AOAH: variants seen among roughly 807,000 people sequenced by gnomAD.
AOAH encodes the protein acyloxyacyl hydrolase (neutrophil).
A neutral mutation model predicts 92.2 loss-of-function variants in AOAH; 64 were observed. The observed-to-expected ratio is 0.69, with a 90% CI of 0.57 to 0.86. The LOEUF is 0.86. Ranked by LOEUF, AOAH falls within the 40% of genes least tolerant of loss-of-function variation. The pLI, the probability that AOAH is intolerant of heterozygous loss-of-function variation, is 0.00. For synonymous variants in AOAH, 263 were observed against 254.5 expected (o/e 1.03, Z -0.32); for missense variants, 656 against 694.6 (o/e 0.94, Z 0.62).
rs572137146 is a variant in AOAH, at chr7:36,576,140, T to C, written c.1021+434A>G. On this transcript the variant is annotated intron_variant, in intron 13 of 20. Transcript: ENST00000617537. The stretch of plus-strand genomic sequence containing the variant: ...CCGCCTCCAGGTCCAAGGTGGAAGA[T>C]TGAAACCCACACAGGTGAAACTGAA... Among the ~76,000 whole-genome samples the C allele has an allele frequency of 2.2e-3, 339 of 152,288 alleles. 1 individual carries two copies. The highest frequency in any genetic ancestry group is 7.5e-3 in the African/African-American group (312 of 41,552).
At chr7:36,533,273 C>G (rs1044667448) in intron 16 of AOAH, among the ~76,000 whole-genome samples, 1 of 152,134 alleles carries the variant, frequency 6.6e-6, no homozygotes, top group Non-Finnish European at 1.5e-5. Flanking sequence ...TCCATTAACA[C>G]TCCTCACACT....
rs188193359 is a variant in AOAH, at chr7:36,699,829, T to C, written c.128-13035A>G. 2.5e-3 allele frequency among the ~76,000 whole-genome samples: 384 copies of C among 152,242 alleles called. 1 individual carries two copies. The highest frequency in any genetic ancestry group is 8.9e-3 in the African/African-American group (368 of 41,578). ...TCTCATTTGTCTAATTTTCTTTTTGTTGCCTGTGCTTTTGAAGTCTTACAC... is the reference window on the plus strand; with the variant it reads ...TCTCATTTGTCTAATTTTCTTTTTGCTGCCTGTGCTTTTGAAGTCTTACAC... On this transcript the variant is annotated intron_variant, in intron 1 of 20. Transcript: ENST00000617537.
intron 13 of AOAH, among the ~76,000 whole-genome samples, chr7:36,574,183 G>T (rs749524851): frequency 5.1e-4 from 77 of 152,090 alleles, no homozygotes; most frequent in Admixed American, 2.0e-3. Context: ...AAATAGTCGA[G>T]GATAGTAATA....
chr7:36,680,828 C>T (rs1307522207), intron 2 of AOAH, among the ~76,000 whole-genome samples: 1 of 152,116 alleles, frequency 6.6e-6, no homozygotes. Context: ...CACTGAAAAC[C>T]AAAATATTTA....
chr7:36,599,926 T>G (rs1790428729), intron 11 of AOAH: 1 of 152,656 alleles, frequency 6.6e-6, no homozygotes, highest in Admixed American at 6.5e-5. Context: ...GTGCCTTTCT[T>G]GTGGGAGCAC....
At chr7:36,693,091 T>G (rs112326534) in intron 1 of AOAH, among the ~76,000 whole-genome samples, 1 of 152,188 alleles carries the variant, frequency 6.6e-6, no homozygotes, top group Non-Finnish European at 1.5e-5. Context: ...AGGGGCTAGA[T>G]TGTGAAGCAC....
chr7:36,723,905 C>T (rs1799808146), intron 1 of AOAH, 117 bp downstream of exon 1: 6 of 1,222,354 alleles, frequency 4.9e-6, no homozygotes, highest in Non-Finnish European at 6.6e-6. Flanking sequence ...TTACTGGTGC[C>T]TTACCTGGAA....
At chr7:36,709,785 T>C (rs927375933) in intron 1 of AOAH, among the ~76,000 whole-genome samples, 4 of 152,214 alleles carry the variant, frequency 2.6e-5, no homozygotes, top group African/African-American at 9.6e-5. Flanking sequence ...GGAGTGATTA[T>C]GTTTTCTTTC....
At chr7:36,565,415 T>C (rs1049809736) in intron 13 of AOAH, among the ~76,000 whole-genome samples, 3 of 152,248 alleles carry the variant, frequency 2.0e-5, no homozygotes, top group Non-Finnish European at 4.4e-5. Context: ...CAATACTCTT[T>C]TCTGCGGCTT....
At chr7:36,594,264 G>A in intron 12 of AOAH, 75 bp downstream of exon 12, 1 of 1,184,912 alleles carries the variant, frequency 8.4e-7, no homozygotes, top group East Asian at 2.3e-5. Context: ...TCAACATCTT[G>A]GTAGCAACCC....
chr7:36,512,965 A>C lies in AOAH; in HGVS notation c.*287T>G. On this transcript the variant is annotated 3_prime_UTR_variant, in exon 21 of 21. Transcript: ENST00000617537. ...AGTGTTTTTAGAAACTCCTTTTAGAACAATTAGCTGTAAAGGGCACAGATA... is the reference window on the plus strand; with the variant it reads ...AGTGTTTTTAGAAACTCCTTTTAGACCAATTAGCTGTAAAGGGCACAGATA... 7.7e-7 allele frequency: 1 copy of C among 1,303,816 alleles called. No homozygotes were observed. Among genetic ancestry groups the C allele is most frequent in the Non-Finnish European group, 1.0e-6 (1 of 959,408 alleles). 80.8% of individuals were successfully genotyped at this position (1,303,816 alleles called of 1,614,324 possible).
intron 4 of AOAH, among the ~76,000 whole-genome samples, chr7:36,641,030 G>T (rs1370635920): frequency 6.6e-6 from 1 of 152,106 alleles, no homozygotes; most frequent in Non-Finnish European, 1.5e-5. Flanking sequence ...AAGCTTCTTA[G>T]GGGACCTGCA....
At chr7:36,542,669 C>G (rs1338891031) in intron 15 of AOAH, among the ~76,000 whole-genome samples, 1 of 152,136 alleles carries the variant, frequency 6.6e-6, no homozygotes, top group Admixed American at 6.6e-5. Flanking sequence ...ACATTTCCAC[C>G]AATGTGCAAA....
chr7:36,557,435 A>C (rs1177632932), intron 13 of AOAH, among the ~76,000 whole-genome samples: 1 of 151,718 alleles, frequency 6.6e-6, no homozygotes, highest in East Asian at 1.9e-4. Context: ...CTTCATTTCA[A>C]CTTTGGTGAA....
intron 16 of AOAH, among the ~76,000 whole-genome samples, chr7:36,533,627 C>G (rs1215008159): frequency 6.6e-6 from 1 of 152,118 alleles, no homozygotes; most frequent in Admixed American, 6.5e-5. Context: ...TCCATTTTCC[C>G]CCAAGTTCCT....
At position 36,652,700 on chromosome 7, in the gene AOAH, C is replaced by T. The variant is rs1343899767; in HGVS notation, c.390+6466G>A. On this transcript the variant is annotated intron_variant, in intron 4 of 20. Transcript: ENST00000617537. ...TCTGTGGTGTTCTTTCCAAAAACCC[C>T]TAACACTGTCGAACCAAGATGAAGA... 5.3e-5 allele frequency among the ~76,000 whole-genome samples: 8 copies of T among 152,214 alleles called. No individual in the cohort carries two copies. The East Asian group carries it at 1.5e-3, about 29-fold the overall frequency.
At chr7:36,570,511 A>T (rs1326193087) in intron 13 of AOAH, among the ~76,000 whole-genome samples, 1 of 152,232 alleles carries the variant, frequency 6.6e-6, no homozygotes, top group Non-Finnish European at 1.5e-5. Flanking sequence ...TTTTGGATAA[A>T]TACCCAGAAG....
intron 2 of AOAH, among the ~76,000 whole-genome samples, chr7:36,684,918 AAAAAAAAAAAAAAAAAAAAAAGAAGAAG>A (rs1157729214): frequency 2.6e-5 from 3 of 114,714 alleles, no homozygotes; most frequent in African/African-American, 1.1e-4. Context: ...AAAAAAAAAA[AAAAAAAAAAAAAAAAAAAAAAGAAGAAG>A]AAGAAGAAGA....
intron 15 of AOAH, 90 bp downstream of exon 15, chr7:36,548,522 G>C: frequency 9.3e-7 from 1 of 1,074,130 alleles, no homozygotes; most frequent in South Asian, 1.3e-5. Flanking sequence ...TGAACAGCAG[G>C]CTGCTATAAT....
Sources: gnomAD v4.1 joint callset for allele counts (sites outside exome capture counted in the v4.1 genomes callset) on GRCh38, gnomAD v4.1.1 for gene constraint, MANE v1.5 for transcripts, NCBI Gene and HGNC (gene_info 2026-07-23, HGNC 2026-07-21) for gene names.